The following NRAP variants were observed in gnomAD, a reference collection of about 807,000 sequenced individuals.
The protein encoded by NRAP is nebulin-related-anchoring protein.
Under a neutral mutation model 225.9 loss-of-function variants are expected in NRAP, and 189 were observed. That is an observed-to-expected ratio of 0.84 (90% confidence interval 0.74 to 0.94). The LOEUF is 0.94. Ranked by LOEUF, NRAP falls within the 40% of genes least tolerant of loss-of-function variation. The pLI is 0.00. For missense variants in NRAP, 2,176 were observed against 2,168.7 expected (o/e 1.00, Z -0.07); for synonymous variants, 769 against 790.7 (o/e 0.97, Z 0.46).
rs192124499 is a variant in NRAP at position 113,641,598 on chromosome 10, C to T, written c.1216-126G>A. 1.4e-4 allele frequency: 81 copies of T among 599,236 alleles called. No homozygotes were observed. In the East Asian group the frequency reaches 1.6e-3, roughly 12 times the overall value. The allele number at this position is 599,236 out of a possible 1,614,324, so 37.1% of individuals were successfully genotyped here. On this transcript the variant is annotated intron_variant, in intron 12 of 41. Coordinates refer to ENST00000359988, the MANE Select transcript of NRAP (RefSeq NM_198060.4). ...AAATATAACCCATTTAAATAGTCAA[C>T]GTATCACAGAATAAAAAATAAGGCA...
rs1360969717 is a variant in NRAP, at chr10:113,642,946, T to G, written c.1203A>C (p.Lys401Asn). 2 of 1,589,904 alleles carry G rather than the reference T, an allele frequency of 1.3e-6. No homozygotes were observed. The highest frequency in any genetic ancestry group is 2.7e-5 in the African/African-American group (2 of 74,418). The change falls in exon 12 of 42, where the codon AAA becomes AAC. Residue 401 changes from lysine to asparagine, a missense_variant. Physicochemically the swap from Lys to Asn is moderately conservative, Grantham distance 94. Transcript: ENST00000359988. ...GTTAACAACTCACATCACTGGTAAA[T>G]TTTGAGATCTTGCTCACGTTCCTGA... ...PQFRNVSKIS[K>N]FTSDNKYKEN...
chr10:113,609,095 G>A (rs979271389), intron 31 of NRAP, among the ~76,000 whole-genome samples: 2 of 152,202 alleles, frequency 1.3e-5, no homozygotes, highest in Non-Finnish European at 2.9e-5. Flanking sequence ...GGGAGGCGGA[G>A]GTTGCAGTGG....
chr10:113,650,596 TTAGTGAGATGC>T, intron 7 of NRAP, 51 bp from the exon 8 acceptor site: 1 of 1,213,218 alleles, frequency 8.2e-7, no homozygotes, highest in Non-Finnish European at 1.2e-6. Context: ...TCAGATGATC[TTAGTGAGATGC>T]TCTGCTAAGG....
Position 113,644,147 on chromosome 10 carries a change from C to CAAAAAAAAAAAAA in NRAP, c.1111-1122_1111-1110dup, listed in dbSNP as rs60015356. Among the ~76,000 whole-genome samples, 6 of 47,972 alleles carry CAAAAAAAAAAAAA rather than the reference C, an allele frequency of 1.3e-4. 1 individual carries two copies. The highest frequency in any genetic ancestry group is 1.2e-3 in the Admixed American group (3 of 2,496). The allele number at this position is 47,972 out of a possible 152,430, so 31.5% of individuals were successfully genotyped here. ...GGCCAACAAGAGTGAAACTCCCTCT[C>CAAAAAAAAAAAAA]AAAAAAAAAAAAAAAAAAAAAAGGC... On this transcript the variant is annotated intron_variant, in intron 11 of 41. Transcript: ENST00000359988.
Position 113,604,806 on chromosome 10 carries a change from G to C in NRAP, c.4030C>G (p.Leu1344Val). The change falls in exon 35 of 42, where the codon CTT becomes GTT. Residue 1344 changes from leucine (L) to valine (V), a missense_variant. Leu to Val is a conservative substitution (Grantham distance 32). Around this residue, in one of 3 missense-constraint regions of NRAP, gnomAD observed 1,708 missense variants for 1,695.5 expected, o/e 1.01. Coordinates refer to ENST00000359988, the MANE Select transcript of NRAP (RefSeq NM_198060.4). ...CRRMGQLQSE[L>V]QYRRGATSSQ... is the part of the protein sequence containing the mutation. The stretch of plus-strand genomic sequence containing the variant: ...CTGGTCGCCCCCCTCCTGTACTGAA[G>C]CTCGCTCTGCAGCTGGCCCATGCGC... 6.2e-7 allele frequency: 1 copy of C among 1,614,172 alleles called. No homozygotes were observed. The highest frequency in any genetic ancestry group is 8.5e-7 in the Non-Finnish European group (1 of 1,180,036).
In NRAP at chr10:113,629,700, G is replaced by C; in HGVS notation, c.1928C>G (p.Ala643Gly). Residue 643 changes from alanine (A) to glycine (G), a missense_variant, in exon 19 of 42, where the codon GCC becomes GGC. Physicochemically the swap from Ala to Gly is moderately conservative, Grantham distance 60. This residue lies in a region of NRAP where 1,708 missense variants were observed against 1,695.5 expected (regional missense o/e 1.01). Transcript: ENST00000359988. ...DMVNIRHAKKAQTLASDLDYR... is the reference protein window; with the variant it reads ...DMVNIRHAKKGQTLASDLDYR... Reference sequence around the variant, plus strand: ...GTCCAGGTCACTGGCGAGAGTTTGGGCCTTCTTAGCATGCCTGATGTTTAC... The same window carrying C: ...GTCCAGGTCACTGGCGAGAGTTTGGCCCTTCTTAGCATGCCTGATGTTTAC... The C allele has an allele frequency of 6.2e-7, 1 of 1,613,774 alleles. No individual in the cohort carries two copies. Among genetic ancestry groups the C allele is most frequent in the Non-Finnish European group, 8.5e-7 (1 of 1,179,656 alleles).
chr10:113,595,768 G>A, intron 37 of NRAP, 41 bp from the exon 38 acceptor site: 1 of 1,369,042 alleles, frequency 7.3e-7, no homozygotes, highest in Non-Finnish European at 1.0e-6. Flanking sequence ...AGAACTGTGT[G>A]GGCTGAAACC....
At chr10:113,631,042 G>T (rs1395315632) in intron 18 of NRAP, among the ~76,000 whole-genome samples, 1 of 152,106 alleles carries the variant, frequency 6.6e-6, no homozygotes, top group Admixed American at 6.5e-5. Flanking sequence ...TCGTCATTCC[G>T]ATTGGCTGGA....
chr10:113,649,979 A>G, intron 9 of NRAP, 58 bp downstream of exon 9: 1 of 954,944 alleles, frequency 1.0e-6, no homozygotes, highest in Non-Finnish European at 1.7e-6. Context: ...GCTGTGTCAC[A>G]GCCTAGAATG....
rs1376864678 is a variant in NRAP at position 113,657,450 on chromosome 10, A to T, written c.360+20T>A. 1 of 1,227,236 alleles carries T rather than the reference A, an allele frequency of 8.1e-7. No individual in the cohort carries two copies. Among genetic ancestry groups the T allele is most frequent in the Non-Finnish European group, 1.2e-6 (1 of 828,224 alleles). The allele number at this position is 1,227,236 out of a possible 1,614,324, so 76.0% of individuals were successfully genotyped here. ...TGTCATTCTTTCTTTTTCCAAACCC[A>T]CTTGTCACTTTTCTCTCACCTCATT... On this transcript the variant is annotated intron_variant, in intron 4 of 41. Transcript: ENST00000359988.
At chr10:113,593,931 T>C (rs911089300) in intron 38 of NRAP, among the ~76,000 whole-genome samples, 2 of 152,250 alleles carry the variant, frequency 1.3e-5, no homozygotes, top group African/African-American at 4.8e-5. Context: ...CTAGAAAGCA[T>C]GGCCCAGATC....
intron 9 of NRAP, among the ~76,000 whole-genome samples, chr10:113,648,219 G>C (rs1260860213): frequency 1.3e-5 from 2 of 152,154 alleles, no homozygotes; most frequent in Non-Finnish European, 2.9e-5. Flanking sequence ...AAATAAAATA[G>C]TTGGGTCAGA....
intron 3 of NRAP, 94 bp downstream of exon 3, chr10:113,662,585 G>T: frequency 1.3e-6 from 1 of 788,840 alleles, no homozygotes. Context: ...ACTGTGCCTG[G>T]CTAGAATATA....
chr10:113,610,525 A>G lies in NRAP; in HGVS notation c.3537T>C (p.Val1179=). 6.2e-7 allele frequency: 1 copy of G among 1,604,158 alleles called. No homozygotes were observed. Among genetic ancestry groups the G allele is most frequent in the Admixed American group, 1.7e-5 (1 of 60,008 alleles). ...YRSDLNFMRG[V]ACVIPGTLEI... is the part of the protein sequence containing the mutation. ...CTAACGTGCCTGGAATGACACATGC[A>G]ACACCTCGCATAAAGTTCAGGTCTG... Residue 1179 remains valine (V), a synonymous_variant, in exon 31 of 42, where the codon GTT becomes GTC. Transcript: ENST00000359988.
At chr10:113,594,286 C>T (rs749254255) in intron 38 of NRAP, among the ~76,000 whole-genome samples, 15 of 152,190 alleles carry the variant, frequency 9.9e-5, no homozygotes, top group East Asian at 3.8e-4. Flanking sequence ...GTATTCTACA[C>T]GCCCCCGAAG....
At chr10:113,591,178 G>A (rs1845964495) in intron 39 of NRAP, among the ~76,000 whole-genome samples, 1 of 152,214 alleles carries the variant, frequency 6.6e-6, no homozygotes, top group Non-Finnish European at 1.5e-5. Context: ...ATCAGCTCTG[G>A]CCCACTGAGT....
In NRAP at chr10:113,592,200, G is replaced by T; in HGVS notation, c.4638C>A (p.Ala1546=). The change falls in exon 39 of 42, where the codon GCC becomes GCA. Residue 1546 remains alanine (A), a synonymous_variant. Coordinates refer to ENST00000359988, the MANE Select transcript of NRAP (RefSeq NM_198060.4). ...FQTARASREI[A]SDFRYKEAFL... is the part of the protein sequence containing the mutation. ...GAGAACATGGGGGTCTTACATCACT[G>T]GCGATCTCCCTAGATGCCCGGGCAG... 6.2e-7 allele frequency: 1 copy of T among 1,601,774 alleles called. No individual in the cohort carries two copies. The highest frequency in any genetic ancestry group is 1.1e-5 in the South Asian group (1 of 89,906).
At chr10:113,641,225 A>AGTCTTTGTATCCACT in intron 13 of NRAP, 140 bp downstream of exon 13, 2 of 527,920 alleles carry the variant, frequency 3.8e-6, no homozygotes, top group Non-Finnish European at 6.6e-6. Flanking sequence ...TAACATTTAG[A>AGTCTTTGTATCCACT]AACTCTTTTG....
rs115573697 is a variant in NRAP, at chr10:113,646,009, A to C, written c.994-68T>G. 2.5e-3 allele frequency: 1,978 copies of C among 779,094 alleles called. 18 individuals are homozygous for C. The African/African-American group carries it at 0.028, about 11-fold the overall frequency. 48.3% of individuals were successfully genotyped at this position (779,094 alleles called of 1,614,324 possible). On this transcript the variant is annotated intron_variant, in intron 10 of 41. Transcript: ENST00000359988. ...ATGCTCTGGGAGGGGAATTACTCCA[A>C]AGTTATCCTGGGCTTAATGTCAACA...
Sources: allele counts gnomAD v4.1 joint callset (sites outside exome capture counted in the v4.1 genomes callset), GRCh38; gene constraint gnomAD v4.1.1; regional missense constraint gnomAD v4.1.1; transcripts MANE v1.5; gene names NCBI Gene and HGNC (gene_info 2026-07-23, HGNC 2026-07-21).